Variants in KIAA1549L observed in about 807,000 individuals in gnomAD.
KIAA1549L encodes KIAA1549 like.
A neutral mutation model predicts 160.7 loss-of-function variants in KIAA1549L; 88 were observed. The ratio of observed to expected loss-of-function variants is 0.55; its 90% CI spans 0.46 to 0.65. The LOEUF is 0.65. Ranked by LOEUF, KIAA1549L falls within the 30% of genes least tolerant of loss-of-function variation. The pLI, the probability that KIAA1549L is intolerant of heterozygous loss-of-function variation, is 0.00. For synonymous variants in KIAA1549L, 950 were observed against 976.7 expected, an observed-to-expected ratio of 0.97 and a Z score of 0.51; for missense variants, 2,258 against 2,437.5, an observed-to-expected ratio of 0.93 and a Z score of 1.55.
intron 13 of KIAA1549L, 124 bp from the exon 14 acceptor site, chr11:33,606,517 G>T: frequency 1.2e-6 from 1 of 869,522 alleles, no homozygotes. Flanking sequence ...AGAAGCAGAT[G>T]CTGTCGTTTC....
intron 3 of KIAA1549L, among the ~76,000 whole-genome samples, chr11:33,546,677 C>T (rs1206831742): frequency 6.6e-6 from 1 of 152,194 alleles, no homozygotes; most frequent in East Asian, 1.9e-4. Context: ...AAACTCATTT[C>T]CCATTGCCCT....
At chr11:33,524,656 C>G (rs1853573410) in intron 1 of KIAA1549L, among the ~76,000 whole-genome samples, 1 of 152,062 alleles carries the variant, frequency 6.6e-6, no homozygotes, top group African/African-American at 2.4e-5. Context: ...GTTAAAAATT[C>G]TTTGACTTAA....
chr11:33,531,081 TTTTC>T lies in KIAA1549L; in HGVS notation c.239-10715_239-10712del, dbSNP rs564891191. On this transcript the variant is annotated intron_variant, in intron 1 of 20. Coordinates refer to ENST00000658780, the MANE Select transcript of KIAA1549L (RefSeq NM_012194.3). ...AGAGGGAGGAATGGAATTCTTCTTC[TTTTC>T]TTTCTATTTTTCCATCTTTTCTAAA... 4.7e-3 allele frequency among the ~76,000 whole-genome samples: 718 copies of T among 152,332 alleles called. 4 individuals are homozygous for T. The highest frequency in any genetic ancestry group is 0.027 in the Middle Eastern group (8 of 294).
chr11:33,483,046 C>T (rs983106327), intron 1 of KIAA1549L, among the ~76,000 whole-genome samples: 2 of 152,088 alleles, frequency 1.3e-5, no homozygotes, highest in African/African-American at 2.4e-5. Context: ...CCTGCATCCT[C>T]CTTTCATGCA....
At chr11:33,533,830 C>T (rs552692037) in intron 1 of KIAA1549L, among the ~76,000 whole-genome samples, 3 of 152,304 alleles carry the variant, frequency 2.0e-5, no homozygotes, top group East Asian at 1.9e-4. Flanking sequence ...TTGTTTCCAA[C>T]GTAAATCCAT....
chr11:33,591,338 C>G lies in KIAA1549L; in HGVS notation c.4668C>G (p.Pro1556=), dbSNP rs1195159617. 13 of 1,613,582 alleles carry G rather than the reference C, an allele frequency of 8.1e-6. No individual in the cohort carries two copies. The highest frequency in any genetic ancestry group is 1.0e-5 in the Non-Finnish European group (12 of 1,179,570). ...AGGAGACAGTGGTTCTCCCACTGCC[C>G]ATTAGAGATGCTCCTCAGGAAAGAG... ...VTQETVVLPL[P]IRDAPQERDV... The change falls in exon 12 of 21, where the codon CCC becomes CCG. Residue 1556 remains proline, a synonymous_variant. Coordinates refer to ENST00000658780, the MANE Select transcript of KIAA1549L (RefSeq NM_012194.3).
chr11:33,464,236 G>A (rs1003706673), intron 1 of KIAA1549L, among the ~76,000 whole-genome samples: 5 of 152,128 alleles, frequency 3.3e-5, no homozygotes, highest in African/African-American at 9.7e-5. Flanking sequence ...CAAAGTCCTC[G>A]TTCTATGTCA....
chr11:33,636,264 T>C (rs80146790), intron 16 of KIAA1549L, among the ~76,000 whole-genome samples: 1,681 of 151,896 alleles, frequency 0.011, 36 homozygotes, highest in African/African-American at 0.038. Flanking sequence ...GTGCTTCCTT[T>C]AATAGGTGAA....
intron 1 of KIAA1549L, among the ~76,000 whole-genome samples, chr11:33,469,787 T>C (rs190485405): frequency 6.6e-6 from 1 of 152,368 alleles, no homozygotes; most frequent in Admixed American, 6.5e-5. Context: ...GAACATCTTT[T>C]CATATGCGTA....
chr11:33,420,621 A>G (rs1240484724), intron 1 of KIAA1549L, among the ~76,000 whole-genome samples: 1 of 152,182 alleles, frequency 6.6e-6, no homozygotes, highest in East Asian at 1.9e-4. Flanking sequence ...TTTAGGGAGA[A>G]GTGAAGAGAG....
Position 33,668,371 on chromosome 11 carries a change from G to A in KIAA1549L, c.*217G>A. The stretch of plus-strand genomic sequence containing the variant: ...TGATTGTGGGTCAAGTCCCTGGCTT[G>A]GGGCCTTATGTTTGATACTCTCTCA... On this transcript the variant is annotated 3_prime_UTR_variant, in exon 21 of 21. Transcript: ENST00000658780. 3 of 588,580 alleles carry A rather than the reference G, an allele frequency of 5.1e-6. No homozygotes were observed. Among genetic ancestry groups the A allele is most frequent in the Non-Finnish European group, 6.0e-6 (2 of 333,072 alleles). The allele number at this position is 588,580 out of a possible 1,614,324, so 36.5% of individuals were successfully genotyped here. A position where few individuals can be genotyped will look rare whatever the true frequency, so the allele number is the denominator to read the frequency against.
At chr11:33,518,543 T>C (rs1002356372) in intron 1 of KIAA1549L, among the ~76,000 whole-genome samples, 26 of 152,206 alleles carry the variant, frequency 1.7e-4, no homozygotes, top group Non-Finnish European at 3.7e-4. Context: ...TTTTAATTGC[T>C]TTTCAAGGAA....
At chr11:33,420,303 G>C (rs1277967895) in intron 1 of KIAA1549L, among the ~76,000 whole-genome samples, 1 of 140,552 alleles carries the variant, frequency 7.1e-6, no homozygotes, top group Non-Finnish European at 1.5e-5. Context: ...ATCCTAGCTC[G>C]CTGCAACCTC....
chr11:33,503,420 T>A (rs918691948), intron 1 of KIAA1549L, among the ~76,000 whole-genome samples: 1 of 152,204 alleles, frequency 6.6e-6, no homozygotes, highest in Non-Finnish European at 1.5e-5. Context: ...TTGGTGAACA[T>A]GTGTAGTCAT....
chr11:33,665,210 GAAAGGTGAA>G (rs1852402116), intron 20 of KIAA1549L: 2 of 152,270 alleles, frequency 1.3e-5, no homozygotes, highest in African/African-American at 2.4e-5. Flanking sequence ...GCAGACACAT[GAAAGGTGAA>G]GAAGGTGAAA....
intron 1 of KIAA1549L, among the ~76,000 whole-genome samples, chr11:33,430,233 C>T (rs1445400743): frequency 1.5e-5 from 2 of 131,342 alleles, no homozygotes; most frequent in East Asian, 4.6e-4. Flanking sequence ...TCCTTTCATC[C>T]TTCCCTCCCT....
chr11:33,500,846 AAATAT>A (rs1018633750), intron 1 of KIAA1549L, among the ~76,000 whole-genome samples: 177 of 152,256 alleles, frequency 1.2e-3, no homozygotes, highest in African/African-American at 4.1e-3. Flanking sequence ...AGTTTATTAT[AAATAT>A]AATATATGAA....
chr11:33,494,121 T>G (rs542672772), intron 1 of KIAA1549L, among the ~76,000 whole-genome samples: 3 of 152,228 alleles, frequency 2.0e-5, no homozygotes, highest in African/African-American at 7.2e-5. Flanking sequence ...GTTGATTCTA[T>G]GGGTTCCTAA....
intron 1 of KIAA1549L, among the ~76,000 whole-genome samples, chr11:33,465,643 G>C (rs1048064444): frequency 6.6e-6 from 1 of 152,174 alleles, no homozygotes; most frequent in South Asian, 2.1e-4. Context: ...GCGTTGAAAA[G>C]TATGGTTAAC....
Sources: gnomAD v4.1 joint callset for allele counts (sites outside exome capture counted in the v4.1 genomes callset) on GRCh38, gnomAD v4.1.1 for gene constraint, MANE v1.5 for transcripts, NCBI Gene and HGNC (gene_info 2026-07-23, HGNC 2026-07-21) for gene names.